Variants in ROBO2 observed in about 807,000 individuals in gnomAD.
The protein encoded by ROBO2 is roundabout guidance receptor 2.
Under a neutral mutation model 160.8 loss-of-function variants are expected in ROBO2, and 53 were observed. That is an observed-to-expected ratio of 0.33 (90% CI 0.26 to 0.41). ROBO2 has a LOEUF of 0.41. ROBO2 is among the 10% of genes least tolerant of loss of function. The pLI, the probability that ROBO2 is intolerant of heterozygous loss-of-function variation, is 1.00. For synonymous variants in ROBO2, 664 were observed against 611.7 expected (o/e 1.09, Z -1.26); for missense variants, 1,577 against 1,722.4 (o/e 0.92, Z 1.49).
intron 1 of ROBO2, among the ~76,000 whole-genome samples, chr3:77,087,589 G>A (rs1217568780): frequency 1.3e-5 from 2 of 152,052 alleles, no homozygotes; most frequent in Non-Finnish European, 2.9e-5. Flanking sequence ...AAGTAGAAGA[G>A]TAATTTGTTA....
intron 2 of ROBO2, among the ~76,000 whole-genome samples, chr3:76,195,117 A>G (rs1321549908): frequency 6.6e-6 from 1 of 152,210 alleles, no homozygotes; most frequent in Admixed American, 6.5e-5. Context: ...ATTAATTAAA[A>G]AGATATAATG....
At chr3:76,110,134 G>A (rs1234231796) in intron 2 of ROBO2, among the ~76,000 whole-genome samples, 2 of 151,666 alleles carry the variant, frequency 1.3e-5, no homozygotes, top group African/African-American at 2.4e-5. Flanking sequence ...AAAGATATGT[G>A]TGGTGTTGTA....
chr3:77,394,065 G>C (rs2075016147), intron 2 of ROBO2, among the ~76,000 whole-genome samples: 1 of 152,112 alleles, frequency 6.6e-6, no homozygotes, highest in South Asian at 2.1e-4. Context: ...CCAAATCTCA[G>C]GGAATTTGTT....
intron 1 of ROBO2, among the ~76,000 whole-genome samples, chr3:75,910,792 T>G (rs1174614554): frequency 2.6e-5 from 4 of 152,130 alleles, no homozygotes; most frequent in Non-Finnish European, 4.4e-5. Context: ...AGTTTTTGAT[T>G]CTTAAAATAG....
At chr3:76,706,631 A>G (rs28375840) in intron 2 of ROBO2, among the ~76,000 whole-genome samples, 2,525 of 152,170 alleles carry the variant, frequency 0.017, 60 homozygotes, top group African/African-American at 0.056. Flanking sequence ...TTGCCTTTCT[A>G]TGGGGAAAGA....
chr3:76,508,770 A>G (rs2107722564), intron 2 of ROBO2, among the ~76,000 whole-genome samples: 1 of 152,312 alleles, frequency 6.6e-6, no homozygotes, highest in East Asian at 1.9e-4. Context: ...CTGGCAGTTC[A>G]TTATAAGACA....
chr3:77,091,031 A>C (rs2070168044), intron 1 of ROBO2, among the ~76,000 whole-genome samples: 1 of 152,162 alleles, frequency 6.6e-6, no homozygotes, highest in Non-Finnish European at 1.5e-5. Context: ...CTCTGTCCCT[A>C]ATTTGCCGAG....
intron 2 of ROBO2, among the ~76,000 whole-genome samples, chr3:76,831,306 C>T (rs760909726): frequency 1.6e-4 from 25 of 152,072 alleles, no homozygotes; most frequent in Admixed American, 3.3e-4. Flanking sequence ...CAAAAATATG[C>T]GATTTTGTAA....
intron 5 of ROBO2, among the ~76,000 whole-genome samples, chr3:77,511,722 C>T (rs373708009): frequency 3.9e-4 from 59 of 151,924 alleles, no homozygotes; most frequent in African/African-American, 1.4e-3. Context: ...TTTGGTTTGG[C>T]TAATTAAGAC....
intron 2 of ROBO2, among the ~76,000 whole-genome samples, chr3:76,728,109 C>T (rs926953824): frequency 6.6e-6 from 1 of 151,066 alleles, no homozygotes; most frequent in Non-Finnish European, 1.5e-5. Context: ...ACAGACATTA[C>T]AAAAAATATT....
chr3:76,078,632 T>A (rs1052703416), intron 2 of ROBO2, among the ~76,000 whole-genome samples: 4 of 152,156 alleles, frequency 2.6e-5, no homozygotes, highest in African/African-American at 9.7e-5. Context: ...GCTAAAGTGC[T>A]GGGATTATAG....
At chr3:75,984,655 A>G (rs1425121026) in intron 2 of ROBO2, among the ~76,000 whole-genome samples, 1 of 151,510 alleles carries the variant, frequency 6.6e-6, no homozygotes, top group African/African-American at 2.4e-5. Context: ...ATGTACATGC[A>G]TACATCTATA....
At chr3:76,248,677 A>G (rs1178564387) in intron 2 of ROBO2, among the ~76,000 whole-genome samples, 1 of 145,674 alleles carries the variant, frequency 6.9e-6, no homozygotes, top group African/African-American at 2.5e-5. Flanking sequence ...AAAAAAAGAA[A>G]TTCTTCCAGA....
intron 2 of ROBO2, among the ~76,000 whole-genome samples, chr3:77,233,031 T>G (rs2087433857): frequency 6.6e-6 from 1 of 152,170 alleles, no homozygotes; most frequent in Non-Finnish European, 1.5e-5. Flanking sequence ...ATGAAACTAG[T>G]GCTTACAATA....
At chr3:77,559,861 A>G (rs2093263774) in intron 9 of ROBO2, among the ~76,000 whole-genome samples, 1 of 152,056 alleles carries the variant, frequency 6.6e-6, no homozygotes. Flanking sequence ...AAATAGAAAA[A>G]ATGCTGCCAA....
At chr3:75,984,921 G>T (rs962264544) in intron 2 of ROBO2, among the ~76,000 whole-genome samples, 19 of 151,314 alleles carry the variant, frequency 1.3e-4, no homozygotes, top group Admixed American at 4.0e-4. Context: ...TATACACTTG[G>T]AACATAAGGG....
At chr3:77,306,887 C>T (rs1444646650) in intron 2 of ROBO2, among the ~76,000 whole-genome samples, 2 of 152,084 alleles carry the variant, frequency 1.3e-5, no homozygotes, top group African/African-American at 2.4e-5. Context: ...AATAGTGTTT[C>T]GCTTCCTTTA....
At chr3:76,106,114 G>A (rs555381569) in intron 2 of ROBO2, among the ~76,000 whole-genome samples, 1 of 152,150 alleles carries the variant, frequency 6.6e-6, no homozygotes, top group Admixed American at 6.5e-5. Flanking sequence ...AACTAAGTGG[G>A]CCCTGTTTGA....
intron 2 of ROBO2, among the ~76,000 whole-genome samples, chr3:76,608,697 A>G (rs1578502907): frequency 6.6e-6 from 1 of 152,086 alleles, no homozygotes; most frequent in Non-Finnish European, 1.5e-5. Flanking sequence ...TAGAAGTTTT[A>G]TAGTTTGAGA....
Sources: gnomAD v4.1 joint callset for allele counts (sites outside exome capture counted in the v4.1 genomes callset) on GRCh38, gnomAD v4.1.1 for gene constraint, MANE v1.5 for transcripts, NCBI Gene and HGNC (gene_info 2026-07-23, HGNC 2026-07-21) for gene names.